Variants in CAMSAP2 observed in about 807,000 individuals in gnomAD.
CAMSAP2 encodes the protein calmodulin-regulated spectrin-associated protein 2.
A neutral mutation model predicts 146.1 loss-of-function variants in CAMSAP2; 26 were observed. The observed-to-expected ratio is 0.18, with a 90% CI of 0.13 to 0.25. CAMSAP2 has a LOEUF of 0.25. Ranked by LOEUF, CAMSAP2 falls within the 10% of genes least tolerant of loss-of-function variation. The pLI is 1.00. For missense variants in CAMSAP2, 1,381 were observed against 1,759.3 expected, an observed-to-expected ratio of 0.78 and a Z score of 3.85; for synonymous variants, 499 against 596.6, an observed-to-expected ratio of 0.84 and a Z score of 2.38.
At chr1:200,747,737 G>A (rs150105817) in intron 1 of CAMSAP2, among the ~76,000 whole-genome samples, 10,584 of 151,920 alleles carry the variant, frequency 0.07, 714 homozygotes, top group African/African-American at 0.17. Flanking sequence ...GCGGCCGGGC[G>A]CGGTGGCTCA....
rs1208746522 is a variant in CAMSAP2, at chr1:200,773,479, AC to A, written c.399+12382del. ...GCCATGTTAGCCAGGCTGGTCTCGA[AC>A]TCCTGACCTCACATGATCCGCCTGC... On this transcript the variant is annotated intron_variant, in intron 2 of 16. Coordinates refer to ENST00000358823, the MANE Select transcript of CAMSAP2 (RefSeq NM_203459.4). Among the ~76,000 whole-genome samples, 8 of 151,686 alleles carry A rather than the reference AC, an allele frequency of 5.3e-5. No individual in the cohort carries two copies. In the East Asian group the frequency reaches 1.5e-3, roughly 29 times the overall value.
At chr1:200,817,343 T>C (rs1666631505) in intron 4 of CAMSAP2, among the ~76,000 whole-genome samples, 1 of 123,014 alleles carries the variant, frequency 8.1e-6, no homozygotes, top group Non-Finnish European at 2.0e-5. Flanking sequence ...AACATTAACA[T>C]GGATTTATTC....
chr1:200,788,046 TTTA>T (rs1391323400), intron 2 of CAMSAP2, among the ~76,000 whole-genome samples: 1 of 152,206 alleles, frequency 6.6e-6, no homozygotes, highest in African/African-American at 2.4e-5. Context: ...TGTGACCCGG[TTTA>T]TTATGCTACT....
rs1664075976 is a variant in CAMSAP2, at chr1:200,739,312, G to C, written c.-516G>C. ...TCCTGCTCGTCCCTCCGCCCACCCG[G>C]GGCCTGAGGGGTCTCCCCGCTCCGA... is the stretch of plus-strand genomic sequence containing the variant. On this transcript the variant is annotated 5_prime_UTR_variant, in exon 1 of 17. Coordinates refer to ENST00000358823, the MANE Select transcript of CAMSAP2 (RefSeq NM_203459.4). The surrounding 1 kb of genome is among the most constrained non-coding windows in gnomAD (Gnocchi z 4.8). 6.6e-6 allele frequency among the ~76,000 whole-genome samples: 1 copy of C among 152,188 alleles called. No individual in the cohort carries two copies. The highest frequency in any genetic ancestry group is 2.4e-5 in the African/African-American group (1 of 41,460).
intron 4 of CAMSAP2, among the ~76,000 whole-genome samples, chr1:200,827,504 C>A (rs566560802): frequency 6.6e-6 from 1 of 152,094 alleles, no homozygotes; most frequent in Non-Finnish European, 1.5e-5. Context: ...CTGCCAAAAA[C>A]GTTCAGTTAA....
chr1:200,834,666 C>T (rs914512436), intron 6 of CAMSAP2, among the ~76,000 whole-genome samples: 1 of 152,182 alleles, frequency 6.6e-6, no homozygotes, highest in African/African-American at 2.4e-5. Context: ...ATAATCCCAG[C>T]ACTTTGGGAG....
In CAMSAP2 at chr1:200,790,940, G is replaced by A. The variant is rs1316268979; in HGVS notation, c.400-16436G>A. Among the ~76,000 whole-genome samples the A allele has an allele frequency of 2.0e-5, 3 of 152,034 alleles. No individual in the cohort carries two copies. The East Asian group carries it at 5.8e-4, about 29-fold the overall frequency. Reference sequence around the variant, plus strand: ...GCTCACTGTAACCTCCGCCTCTCAGGTTCAAGTGATTCTCCAGCCTCAGCC... The same window carrying A: ...GCTCACTGTAACCTCCGCCTCTCAGATTCAAGTGATTCTCCAGCCTCAGCC... On this transcript the variant is annotated intron_variant, in intron 2 of 16. Transcript: ENST00000358823.
At chr1:200,751,951 C>A (rs1459573025) in intron 1 of CAMSAP2, among the ~76,000 whole-genome samples, 1 of 152,134 alleles carries the variant, frequency 6.6e-6, no homozygotes, top group Non-Finnish European at 1.5e-5. Context: ...GGTTTACTGA[C>A]GTGGAAGCAC....
intron 3 of CAMSAP2, 41 bp from the exon 4 acceptor site, chr1:200,815,517 CAAA>C: frequency 1.9e-6 from 2 of 1,042,828 alleles, no homozygotes; most frequent in Admixed American, 5.7e-5. Flanking sequence ...AATGTAAATT[CAAA>C]AAAAGAATAA....
intron 4 of CAMSAP2, among the ~76,000 whole-genome samples, chr1:200,824,095 GCT>G (rs1218061552): frequency 2.0e-5 from 3 of 152,192 alleles, no homozygotes; most frequent in Non-Finnish European, 4.4e-5. Flanking sequence ...ACTACAGAAT[GCT>G]CCAGGCTCAT....
intron 7 of CAMSAP2, among the ~76,000 whole-genome samples, chr1:200,844,346 GAGACCAGCCTGGCCAAT>G (rs1250952339): frequency 5.3e-5 from 8 of 151,782 alleles, no homozygotes; most frequent in Admixed American, 3.9e-4. Context: ...TCAAGAGTTC[GAGACCAGCCTGGCCAAT>G]ATGGTGAAAC....
chr1:200,743,213 A>G lies in CAMSAP2; in HGVS notation c.139+3247A>G, dbSNP rs181186684. Among the ~76,000 whole-genome samples, 297 of 152,348 alleles carry G rather than the reference A, an allele frequency of 1.9e-3. 2 individuals are homozygous for G. Among genetic ancestry groups the G allele is most frequent in the African/African-American group, 6.3e-3 (264 of 41,588 alleles). On this transcript the variant is annotated intron_variant, in intron 1 of 16. Transcript: ENST00000358823. ...TCCTTTGGGGGAAATGGTAGATGCA[A>G]AACCTCTTGTGACACTCTTACTAAA...
chr1:200,746,251 G>C (rs532754690), intron 1 of CAMSAP2, among the ~76,000 whole-genome samples: 49 of 152,370 alleles, frequency 3.2e-4, no homozygotes, highest in African/African-American at 1.2e-3. Context: ...CCACAGGGAA[G>C]TTATTATGTT....
chr1:200,780,140 A>T (rs191657367), intron 2 of CAMSAP2, among the ~76,000 whole-genome samples: 427 of 152,358 alleles, frequency 2.8e-3, no homozygotes, highest in African/African-American at 9.5e-3. Context: ...TTTTGTTAAA[A>T]AGCATTATTT....
In CAMSAP2 at chr1:200,739,349, A is replaced by G. The variant is rs1385700315; in HGVS notation, c.-479A>G. ...TCTCCCCGCTCCGAGGGAAGGGGAG[A>G]GGGAGGCGAGGGCGTGCGGGCATCG... On this transcript the variant is annotated 5_prime_UTR_variant, in exon 1 of 17. Transcript: ENST00000358823. The surrounding 1 kb of genome is among the most constrained non-coding windows in gnomAD (Gnocchi z 4.8). Among the ~76,000 whole-genome samples, 2 of 151,942 alleles carry G rather than the reference A, an allele frequency of 1.3e-5. No individual in the cohort carries two copies. The highest frequency in any genetic ancestry group is 2.9e-5 in the Non-Finnish European group (2 of 67,942).
intron 4 of CAMSAP2, among the ~76,000 whole-genome samples, chr1:200,816,352 G>A (rs997015328): frequency 6.6e-6 from 1 of 151,320 alleles, no homozygotes; most frequent in Admixed American, 6.6e-5. Context: ...CAGCACTTTG[G>A]GAGGCTGAGA....
intron 8 of CAMSAP2, 25 bp downstream of exon 8, chr1:200,844,894 T>G (rs1667421443): frequency 8.0e-7 from 1 of 1,247,104 alleles, no homozygotes; most frequent in South Asian, 1.4e-5. Flanking sequence ...GACTTTATTT[T>G]CACCATTTCT....
At chr1:200,828,725 A>G in intron 4 of CAMSAP2, 1 of 913,342 alleles carries the variant, frequency 1.1e-6, no homozygotes, top group Non-Finnish European at 1.7e-6. Context: ...TAGAGATTGG[A>G]TTTTAAGGTC....
At chr1:200,767,549 A>G (rs1359050894) in intron 2 of CAMSAP2, among the ~76,000 whole-genome samples, 1 of 146,208 alleles carries the variant, frequency 6.8e-6, no homozygotes, top group Non-Finnish European at 1.5e-5. Flanking sequence ...TTGTGTCACC[A>G]TCTGTTGGAA....
Sources: allele counts gnomAD v4.1 joint callset (sites outside exome capture counted in the v4.1 genomes callset), GRCh38; gene constraint gnomAD v4.1.1; non-coding constraint Gnocchi (gnomAD v3.1); transcripts MANE v1.5; gene names NCBI Gene and HGNC (gene_info 2026-07-23, HGNC 2026-07-21).